CCDC33: variants seen among roughly 807,000 people sequenced by gnomAD.
The protein encoded by CCDC33 is coiled-coil domain containing 33, also known as coiled-coil domain-containing protein 33.
Under a neutral mutation model 91.9 loss-of-function variants are expected in CCDC33, and 94 were observed. The observed-to-expected ratio is 1.02, with a 90% CI of 0.87 to 1.21. CCDC33 has a LOEUF of 1.21. Among genes scored for constraint, CCDC33 ranks in the 50% most tolerant of loss-of-function variants. CCDC33 has a pLI of 0.00. For missense variants in CCDC33, 940 were observed against 935.5 expected, an observed-to-expected ratio of 1.00 and a Z score of -0.06; for synonymous variants, 396 against 374.5, an observed-to-expected ratio of 1.06 and a Z score of -0.66.
chr15:74,322,976 G>A (rs893897144), intron 11 of CCDC33, among the ~76,000 whole-genome samples: 3 of 152,130 alleles, frequency 2.0e-5, no homozygotes, highest in Non-Finnish European at 2.9e-5. Flanking sequence ...ACCTGTCTCA[G>A]GCCTCCTTCT....
intron 2 of CCDC33, among the ~76,000 whole-genome samples, chr15:74,247,774 T>C (rs2075584129): frequency 6.6e-6 from 1 of 152,134 alleles, no homozygotes; most frequent in Non-Finnish European, 1.5e-5. Context: ...CAGGTGACTC[T>C]AGTTAATGAT....
intron 2 of CCDC33, among the ~76,000 whole-genome samples, chr15:74,224,423 C>G (rs1401274403): frequency 3.9e-5 from 6 of 152,184 alleles, no homozygotes; most frequent in Non-Finnish European, 8.8e-5. Flanking sequence ...TATTTGTGTC[C>G]TTGCCCAAGC....
upstream of CCDC33, among the ~76,000 whole-genome samples, chr15:74,234,369 G>GA (rs909279471): frequency 1.4e-4 from 22 of 152,338 alleles, no homozygotes; most frequent in Non-Finnish European, 2.8e-4. Flanking sequence ...CTGGACATTT[G>GA]AGGAGCAAGC....
intron 11 of CCDC33, among the ~76,000 whole-genome samples, chr15:74,324,089 CAAAAAAAAA>C (rs55758894): frequency 5.5e-5 from 4 of 72,094 alleles, no homozygotes; most frequent in Non-Finnish European, 1.1e-4. Context: ...GACTCCATCT[CAAAAAAAAA>C]AAAAAAAAAA....
At position 74,335,980 on chromosome 15, in the gene CCDC33, T is replaced by C; in HGVS notation, c.2195T>C (p.Leu732Pro). The C allele has an allele frequency of 6.2e-7, 1 of 1,614,020 alleles. No homozygotes were observed. Among genetic ancestry groups the C allele is most frequent in the Non-Finnish European group, 8.5e-7 (1 of 1,180,012 alleles). Residue 732 changes from leucine (L) to proline (P), a missense_variant, in exon 19 of 19, where the codon CTG becomes CCG. Physicochemically the swap from Leu to Pro is moderately conservative, Grantham distance 98. Transcript: ENST00000398814. Reference protein sequence around the residue: ...LKQPSELEPLLPSSDSKLNKP... With the variant: ...LKQPSELEPLPPSSDSKLNKP... ...CAGCCCTCAGAGCTGGAGCCCCTGCTGCCCAGCTCAGACTCTAAGCTCAAC... is the reference window on the plus strand; with the variant it reads ...CAGCCCTCAGAGCTGGAGCCCCTGCCGCCCAGCTCAGACTCTAAGCTCAAC...
intron 2 of CCDC33, among the ~76,000 whole-genome samples, chr15:74,258,972 T>C (rs1020006560): frequency 6.6e-6 from 1 of 152,134 alleles, no homozygotes; most frequent in African/African-American, 2.4e-5. Context: ...CACACACCCT[T>C]CCAGCAGCCT....
intron 4 of CCDC33, among the ~76,000 whole-genome samples, chr15:74,268,022 G>C (rs7163055): frequency 0.23 from 35,639 of 152,154 alleles, 4,756 homozygotes; most frequent in South Asian, 0.36. Flanking sequence ...CTCAGCACTT[G>C]AGCTGTAATT....
intron 10 of CCDC33, among the ~76,000 whole-genome samples, chr15:74,287,885 A>G (rs2059509440): frequency 6.6e-6 from 1 of 152,218 alleles, no homozygotes; most frequent in Non-Finnish European, 1.5e-5. Context: ...CCCAGGTCAC[A>G]GACTCTGTGT....
chr15:74,221,908 A>G (rs1423684216), intron 2 of CCDC33, among the ~76,000 whole-genome samples: 1 of 152,050 alleles, frequency 6.6e-6, no homozygotes, highest in East Asian at 1.9e-4. Context: ...CCATAGAGCT[A>G]TGCCTCTCCA....
intron 11 of CCDC33, among the ~76,000 whole-genome samples, chr15:74,310,041 C>G (rs895303616): frequency 6.6e-6 from 1 of 152,072 alleles, no homozygotes; most frequent in Non-Finnish European, 1.5e-5. Context: ...ATACTAGCTA[C>G]TTGGGAGACT....
intron 1 of CCDC33, among the ~76,000 whole-genome samples, chr15:74,206,923 G>T (rs999445285): frequency 6.6e-6 from 1 of 152,216 alleles, no homozygotes; most frequent in South Asian, 2.1e-4. Context: ...TCCCAACTGG[G>T]CACAGATTGG....
At position 74,280,037 on chromosome 15, in the gene CCDC33, T is replaced by C; in HGVS notation, c.834T>C (p.Ala278=). ...TCCTCTTCCAAGGCCGAGATGGAGC[T>C]ACCAGCTTCTCAGAAGACACAGCCC... ...QSFLFQGRDG[A]TSFSEDTALV... is the part of the protein sequence containing the mutation. The change falls in exon 8 of 19, where the codon GCT becomes GCC. Residue 278 remains alanine, a synonymous_variant. Transcript: ENST00000398814. The C allele has an allele frequency of 6.2e-7, 1 of 1,614,136 alleles. No individual in the cohort carries two copies. Among genetic ancestry groups the C allele is most frequent in the Non-Finnish European group, 8.5e-7 (1 of 1,180,006 alleles).
intron 10 of CCDC33, among the ~76,000 whole-genome samples, chr15:74,288,813 G>A (rs1365500986): frequency 2.6e-5 from 4 of 152,204 alleles, no homozygotes; most frequent in African/African-American, 7.2e-5. Context: ...TGTCCACCTT[G>A]TAAGCCTGTA....
intron 2 of CCDC33, among the ~76,000 whole-genome samples, chr15:74,260,119 T>C (rs2075980484): frequency 3.3e-5 from 5 of 152,226 alleles, no homozygotes; most frequent in Admixed American, 3.3e-4. Flanking sequence ...TCTCTGACTT[T>C]GCTGGGGCAG....
At chr15:74,209,444 C>T (rs750020524) in exon 2 of CCDC33, 21 of 1,535,408 alleles carry the variant, frequency 1.4e-5, no homozygotes, top group Non-Finnish European at 1.6e-5. Context: ...TCTTAATAAC[C>T]GGATCTGCAT....
chr15:74,259,401 T>A (rs1395088392), intron 2 of CCDC33, among the ~76,000 whole-genome samples: 1 of 151,960 alleles, frequency 6.6e-6, no homozygotes, highest in Non-Finnish European at 1.5e-5. Flanking sequence ...TCCTATTCTG[T>A]GAAGAATCAG....
At chr15:74,225,617 C>T (rs1595889765) in intron 2 of CCDC33, among the ~76,000 whole-genome samples, 2 of 152,146 alleles carry the variant, frequency 1.3e-5, no homozygotes, top group South Asian at 4.2e-4. Flanking sequence ...CACACAGACT[C>T]GCACCTCCCT....
intron 7 of CCDC33, among the ~76,000 whole-genome samples, chr15:74,274,853 G>A (rs1459458306): frequency 6.6e-6 from 1 of 152,226 alleles, no homozygotes. Flanking sequence ...GTCCAGCAAT[G>A]GCAGGACACC....
chr15:74,236,057 C>T (rs75203837), upstream of CCDC33, among the ~76,000 whole-genome samples: 1,452 of 152,348 alleles, frequency 9.5e-3, 27 homozygotes, highest in African/African-American at 0.033. Context: ...CTGCAACACT[C>T]TTGAGAGCAG....
Sources: allele counts gnomAD v4.1 joint callset (sites outside exome capture counted in the v4.1 genomes callset), GRCh38; gene constraint gnomAD v4.1.1; transcripts MANE v1.5; gene names NCBI Gene and HGNC (gene_info 2026-07-23, HGNC 2026-07-21).